TGOLN2: variants seen among roughly 807,000 people sequenced by gnomAD.
TGOLN2 encodes trans-Golgi network integral membrane protein 2.
TGOLN2 carries 19 observed loss-of-function variants against 31.3 expected under a neutral mutation model. The observed-to-expected ratio is 0.61, with a 90% CI of 0.42 to 0.89. The LOEUF is 0.89. Among genes scored for constraint, TGOLN2 ranks in the 40% least tolerant of loss-of-function variants. The pLI, the probability that TGOLN2 is intolerant of heterozygous loss-of-function variation, is 0.00. For synonymous variants in TGOLN2, 222 were observed against 226.7 expected (o/e 0.98, Z 0.19); for missense variants, 540 against 559.2 (o/e 0.97, Z 0.35).
rs1682503609 is a variant in TGOLN2, at chr2:85,320,297, T to C, written c.*2439A>G. 6.6e-6 allele frequency: 1 copy of C among 152,182 alleles called. No individual in the cohort carries two copies. Among genetic ancestry groups the C allele is most frequent in the Admixed American group, 6.5e-5 (1 of 15,278 alleles). 9.4% of individuals were successfully genotyped at this position (152,182 alleles called of 1,614,324 possible). On this transcript the variant is annotated 3_prime_UTR_variant, in exon 4 of 4. Transcript: ENST00000377386. The stretch of plus-strand genomic sequence containing the variant: ...GGAAAATATTTTGGAAAGATCAGTC[T>C]TTCCAAGAGTGAGCTCCTTTCCAAG...
At position 85,322,632 on chromosome 2, in the gene TGOLN2, G is replaced by A. The variant is rs771096918; in HGVS notation, c.*104C>T. On this transcript the variant is annotated 3_prime_UTR_variant, in exon 4 of 4. Coordinates refer to ENST00000377386, the MANE Select transcript of TGOLN2 (RefSeq NM_006464.4). Reference sequence around the variant, plus strand: ...TTTCTTTTGATTTAGAAACAAATCAGCAGGGAGGACAAGGTTCTCAAGGAC... The same window carrying A: ...TTTCTTTTGATTTAGAAACAAATCAACAGGGAGGACAAGGTTCTCAAGGAC... 10 of 1,577,706 alleles carry A rather than the reference G, an allele frequency of 6.3e-6. No homozygotes were observed. Among genetic ancestry groups the A allele is most frequent in the Middle Eastern group, 1.7e-4 (1 of 6,022 alleles).
Position 85,319,181 on chromosome 2 carries a change from T to TC in TGOLN2, c.*3554_*3555insG, listed in dbSNP as rs1331971800. 6.7e-6 allele frequency: 1 copy of TC among 148,224 alleles called. No homozygotes were observed. Among genetic ancestry groups the TC allele is most frequent in the African/African-American group, 2.5e-5 (1 of 39,640 alleles). The allele number at this position is 148,224 out of a possible 1,614,324, so 9.2% of individuals were successfully genotyped here. A position where few individuals can be genotyped will look rare whatever the true frequency, so the allele number is the denominator to read the frequency against. ...TTTTCTTCAATGCTATTTCTTTCTT[T>TC]TTTTTTTTTTTTTTTGAGACGGAGT... On this transcript the variant is annotated 3_prime_UTR_variant, in exon 4 of 4. Transcript: ENST00000377386.
At position 85,327,108 on chromosome 2, in the gene TGOLN2, G is replaced by A. The variant is rs1183558079; in HGVS notation, c.624C>T (p.Asn208=). Residue 208 remains asparagine (N), a synonymous_variant, in exon 2 of 4, where the codon AAC becomes AAT. Transcript: ENST00000377386. ...AEDQTPKDVP[N]KSGAEKQTPK... is the part of the protein sequence containing the mutation. The stretch of plus-strand genomic sequence containing the variant: ...GAGTCTGCTTCTCCGCACCCGACTT[G>A]TTAGGGACGTCTTTTGGGGTCTGAT... The A allele has an allele frequency of 3.7e-6, 6 of 1,613,670 alleles. No individual in the cohort carries two copies. In the African/African-American group the frequency reaches 6.7e-5, roughly 18 times the overall value.
chr2:85,318,820 A>G lies in TGOLN2; in HGVS notation c.*3916T>C, dbSNP rs1229869157. 1.4e-5 allele frequency: 2 copies of G among 142,610 alleles called. No homozygotes were observed. Among genetic ancestry groups the G allele is most frequent in the African/African-American group, 2.8e-5 (1 of 35,302 alleles). The allele number at this position is 142,610 out of a possible 1,614,324, so 8.8% of individuals were successfully genotyped here. A position where few individuals can be genotyped will look rare whatever the true frequency, so the allele number is the denominator to read the frequency against. On this transcript the variant is annotated 3_prime_UTR_variant, in exon 4 of 4. Coordinates refer to ENST00000377386, the MANE Select transcript of TGOLN2 (RefSeq NM_006464.4). Reference sequence around the variant, plus strand: ...GCCTTTCTACACAGACTGGCCTTCAACTTCCCCTGAGTCCAGAAGTAGACT... The same window carrying G: ...GCCTTTCTACACAGACTGGCCTTCAGCTTCCCCTGAGTCCAGAAGTAGACT...
At chr2:85,326,369 T>C (rs548070038) in intron 2 of TGOLN2, 139 bp downstream of exon 2, 92 of 755,476 alleles carry the variant, frequency 1.2e-4, no homozygotes, top group Middle Eastern at 3.3e-4. Flanking sequence ...AGAGGCCTAA[T>C]AGGGCCTGAG....
rs755346690 is a variant in TGOLN2 at position 85,324,954 on chromosome 2, C to T, written c.1269G>A (p.Arg423=). Residue 423 remains arginine, a synonymous_variant, in exon 3 of 4, where the codon CGG becomes CGA. Coordinates refer to ENST00000377386, the MANE Select transcript of TGOLN2 (RefSeq NM_006464.4). ...VLEGKRSKVT[R]RPKASDYQRL... is the part of the protein sequence containing the mutation. Reference sequence around the variant, plus strand: ...GTTGGTAGTCACTGGCCTTTGGCCGCCGGGTGACTTTAGATCTTTTTCCTT... The same window carrying T: ...GTTGGTAGTCACTGGCCTTTGGCCGTCGGGTGACTTTAGATCTTTTTCCTT... The T allele has an allele frequency of 6.4e-7, 1 of 1,554,786 alleles. No individual in the cohort carries two copies. The highest frequency in any genetic ancestry group is 1.9e-5 in the Admixed American group (1 of 51,328).
chr2:85,327,199 A>C lies in TGOLN2; in HGVS notation c.533T>G (p.Val178Gly). 1 of 1,591,152 alleles carries C rather than the reference A, an allele frequency of 6.3e-7. No homozygotes were observed. The highest frequency in any genetic ancestry group is 8.5e-7 in the Non-Finnish European group (1 of 1,172,652). Residue 178 changes from valine to glycine, a missense_variant, in exon 2 of 4, where the codon GTC (valine) becomes GGC (glycine). Val to Gly is a moderately radical substitution (Grantham distance 109). Coordinates refer to ENST00000377386, the MANE Select transcript of TGOLN2 (RefSeq NM_006464.4). ...SGSEAQTTKD[V>G]PNKSGADGQT... ...GCCGTCCGCACCCGACTTATTAGGG[A>C]CATCTTTTGTGGTCTGCGCCTCCGA...
intron 2 of TGOLN2, among the ~76,000 whole-genome samples, chr2:85,326,285 C>T (rs1277611353): frequency 6.6e-6 from 1 of 152,134 alleles, no homozygotes; most frequent in Non-Finnish European, 1.5e-5. Context: ...TAACTTGGCT[C>T]CTAATGCAGT....
At chr2:85,325,463 A>C (rs1376833928) in intron 2 of TGOLN2, among the ~76,000 whole-genome samples, 1 of 152,180 alleles carries the variant, frequency 6.6e-6, no homozygotes. Flanking sequence ...ACACTTGGAC[A>C]TAGAATAAGA....
In TGOLN2 at chr2:85,322,670, G is replaced by A; in HGVS notation, c.*66C>T. 1.2e-6 allele frequency: 2 copies of A among 1,604,632 alleles called. No individual in the cohort carries two copies. Among genetic ancestry groups the A allele is most frequent in the Non-Finnish European group, 1.7e-6 (2 of 1,177,882 alleles). On this transcript the variant is annotated 3_prime_UTR_variant, in exon 4 of 4. Coordinates refer to ENST00000377386, the MANE Select transcript of TGOLN2 (RefSeq NM_006464.4). ...GGTTCTCAAGGACAAAAAAATCAAA[G>A]CTGAAACGAGAGCAGCACAATCCAT... is the stretch of plus-strand genomic sequence containing the variant.
Position 85,327,112 on chromosome 2 carries a change from G to C in TGOLN2, c.620C>G (p.Pro207Arg), listed in dbSNP as rs1682764990. The C allele has an allele frequency of 6.2e-7, 1 of 1,613,766 alleles. No homozygotes were observed. Among genetic ancestry groups the C allele is most frequent in the Non-Finnish European group, 8.5e-7 (1 of 1,179,864 alleles). ...GAEDQTPKDV[P>R]NKSGAEKQTP... The stretch of plus-strand genomic sequence containing the variant: ...CTGCTTCTCCGCACCCGACTTGTTA[G>C]GGACGTCTTTTGGGGTCTGATCCTC... Residue 207 changes from proline (P) to arginine (R), a missense_variant, in exon 2 of 4, where the codon CCT becomes CGT. Pro to Arg is a moderately radical substitution (Grantham distance 103). Coordinates refer to ENST00000377386, the MANE Select transcript of TGOLN2 (RefSeq NM_006464.4).
At position 85,326,897 on chromosome 2, in the gene TGOLN2, C is replaced by CA; in HGVS notation, c.834dup (p.Asp279Ter). 1 of 1,614,032 alleles carries CA rather than the reference C, an allele frequency of 6.2e-7. No homozygotes were observed. Among genetic ancestry groups the CA allele is most frequent in the Non-Finnish European group, 8.5e-7 (1 of 1,179,894 alleles). On this transcript the variant is annotated frameshift_variant, in exon 2 of 4. Transcript: ENST00000377386. LOFTEE classifies it high-confidence loss of function. The stretch of plus-strand genomic sequence containing the variant: ...CCTTTGTCAGCAAGCTGGTTTGTGT[C>CA]AGCCTTGGGGAGCTCCTTGTTATCA...
At position 85,322,243 on chromosome 2, in the gene TGOLN2, A is replaced by G. The variant is rs934116815; in HGVS notation, c.*493T>C. The G allele has an allele frequency of 5.6e-6, 1 of 178,294 alleles. No homozygotes were observed. The highest frequency in any genetic ancestry group is 1.2e-5 in the Non-Finnish European group (1 of 86,468). The allele number at this position is 178,294 out of a possible 1,614,324, so 11.0% of individuals were successfully genotyped here. A position where few individuals can be genotyped will look rare whatever the true frequency, so the allele number is the denominator to read the frequency against. ...CATCCCCCCCAAAGTAAGAGGCCTT[A>G]GTAGAAAAGCACTTCCACCTGCAGT... On this transcript the variant is annotated 3_prime_UTR_variant, in exon 4 of 4. Coordinates refer to ENST00000377386, the MANE Select transcript of TGOLN2 (RefSeq NM_006464.4).
rs1682797519 is a variant in TGOLN2 at position 85,327,603 on chromosome 2, G to A, written c.129C>T (p.His43=). ...VRPSAGNVST[H]PSLSQRPGGS... is the part of the protein sequence containing the mutation. ...CTCCAGGCCGTTGGCTCAAGCTGGG[G>A]TGGGTGGAGACGTTTCCTGCAGAAG... The change falls in exon 2 of 4, where the codon CAC becomes CAT. Residue 43 remains histidine, a synonymous_variant. Coordinates refer to ENST00000377386, the MANE Select transcript of TGOLN2 (RefSeq NM_006464.4). 3 of 1,614,082 alleles carry A rather than the reference G, an allele frequency of 1.9e-6. No individual in the cohort carries two copies. The African/African-American group carries it at 4.0e-5, about 22-fold the overall frequency.
intron 3 of TGOLN2, 96 bp downstream of exon 3, chr2:85,324,819 C>G: frequency 8.7e-7 from 1 of 1,145,540 alleles, no homozygotes; most frequent in South Asian, 1.3e-5. Flanking sequence ...GAATCAGCCA[C>G]TGCTGCTTCA....
intron 2 of TGOLN2, among the ~76,000 whole-genome samples, chr2:85,325,406 A>G (rs1033206070): frequency 8.5e-5 from 13 of 152,168 alleles, no homozygotes; most frequent in Non-Finnish European, 1.8e-4. Flanking sequence ...CATCAACTAC[A>G]TTCTTTATCA....
intron 2 of TGOLN2, among the ~76,000 whole-genome samples, chr2:85,325,243 G>A (rs564484654): frequency 6.6e-6 from 1 of 152,216 alleles, no homozygotes; most frequent in Non-Finnish European, 1.5e-5. Context: ...GCTCTAGCGT[G>A]TGGGAGGAAG....
At position 85,327,931 on chromosome 2, in the gene TGOLN2, T is replaced by G. The variant is rs755535502; in HGVS notation, c.32A>C (p.Asn11Thr). 6.2e-7 allele frequency: 1 copy of G among 1,603,904 alleles called. No homozygotes were observed. Reference protein sequence around the residue: MRFVVALVLLNVAAAGAVPLL... With the variant: MRFVVALVLLTVAAAGAVPLL... ...GAGGGTCTTACCCGCCGCTGCGACG[T>G]TCAGGAGGACCAAGGCAACCACGAA... Residue 11 changes from asparagine to threonine, a missense_variant, in exon 1 of 4, where the codon AAC becomes ACC. Physicochemically the swap from Asn to Thr is moderately conservative, Grantham distance 65 (BLOSUM62 0). Transcript: ENST00000377386.
chr2:85,327,136 T>C lies in TGOLN2; in HGVS notation c.596A>G (p.Glu199Gly). ...AGGGACGTCTTTTGGGGTCTGATCC[T>C]CCGCACCCGACTTGCTGGAGCCGTC... The part of the protein sequence containing the change: ...PKDGSSKSGA[E>G]DQTPKDVPNK... Residue 199 changes from glutamate to glycine, a missense_variant, in exon 2 of 4, where the codon GAG (glutamate) becomes GGG (glycine). Glu to Gly is a moderately conservative substitution (Grantham distance 98). Coordinates refer to ENST00000377386, the MANE Select transcript of TGOLN2 (RefSeq NM_006464.4). The C allele has an allele frequency of 6.2e-7, 1 of 1,613,862 alleles. No homozygotes were observed. The highest frequency in any genetic ancestry group is 1.1e-5 in the South Asian group (1 of 91,074).
Sources: gnomAD v4.1 joint callset for allele counts (sites outside exome capture counted in the v4.1 genomes callset) on GRCh38, gnomAD v4.1.1 for gene constraint, MANE v1.5 for transcripts, NCBI Gene and HGNC (gene_info 2026-07-23, HGNC 2026-07-21) for gene names.